Variants in PWWP2A observed in about 807,000 individuals in gnomAD.
PWWP2A encodes PWWP domain containing 2A, also known as PWWP domain-containing protein 2A.
In PWWP2A, 18 loss-of-function variants were observed where a neutral mutation model predicts 48.5. The observed-to-expected ratio is 0.37, with a 90% CI of 0.26 to 0.55. The LOEUF (loss-of-function observed/expected upper bound fraction) is 0.55. Among genes scored for constraint, PWWP2A ranks in the 20% least tolerant of loss-of-function variants. The pLI is 0.81. For missense variants in PWWP2A, 867 were observed against 976.4 expected, an observed-to-expected ratio of 0.89 and a Z score of 1.49; for synonymous variants, 396 against 387.7, an observed-to-expected ratio of 1.02 and a Z score of -0.25.
chr5:160,055,287 C>G, the PWWP2A span, among the ~76,000 whole-genome samples: 1 of 152,194 alleles, frequency 6.6e-6, no homozygotes, highest in Non-Finnish European at 1.5e-5. Flanking sequence ...GATCTGTCAT[C>G]TCAGCTTATT....
intron 1 of PWWP2A, among the ~76,000 whole-genome samples, chr5:160,107,213 C>A (rs1235907833): frequency 5.3e-5 from 8 of 152,124 alleles, no homozygotes; most frequent in African/African-American, 1.2e-4. Context: ...TCAGTTATCT[C>A]CAAATATGGT....
chr5:160,059,917 G>A (rs1366939676), downstream of PWWP2A, among the ~76,000 whole-genome samples: 1 of 152,216 alleles, frequency 6.6e-6, no homozygotes, highest in Non-Finnish European at 1.5e-5. Flanking sequence ...CTCAATGCAG[G>A]ATTACCACAC....
intron 1 of PWWP2A, among the ~76,000 whole-genome samples, chr5:160,115,830 C>A (rs1758074694): frequency 6.6e-6 from 1 of 152,042 alleles, no homozygotes. Context: ...CATAGCGAGA[C>A]CCTGCCTCCT....
chr5:160,046,486 CT>C, the PWWP2A span, among the ~76,000 whole-genome samples: 3 of 151,400 alleles, frequency 2.0e-5, no homozygotes, highest in Non-Finnish European at 4.4e-5. Flanking sequence ...GGACCCTCTT[CT>C]TTTTTTTTCC....
chr5:160,052,568 A>AAAC, the PWWP2A span, among the ~76,000 whole-genome samples: 1 of 151,672 alleles, frequency 6.6e-6, no homozygotes, highest in African/African-American at 2.4e-5. Context: ...AAAAAAAAAA[A>AAAC]AAAAAACTGT....
At chr5:160,053,928 C>T in the PWWP2A span, among the ~76,000 whole-genome samples, 2 of 152,086 alleles carry the variant, frequency 1.3e-5, no homozygotes, top group African/African-American at 4.8e-5. Flanking sequence ...CCTTTCTAGC[C>T]CATCATTTAT....
At chr5:160,056,245 C>T in the PWWP2A span, among the ~76,000 whole-genome samples, 1 of 152,242 alleles carries the variant, frequency 6.6e-6, no homozygotes, top group Non-Finnish European at 1.5e-5. Context: ...CTGCCCTGGC[C>T]ACTCTGGCAC....
chr5:160,059,099 AAG>A (rs1757627935), downstream of PWWP2A, among the ~76,000 whole-genome samples: 1 of 152,206 alleles, frequency 6.6e-6, no homozygotes, highest in Admixed American at 6.5e-5. Context: ...ATCGCCTAAC[AAG>A]AGAGTCAGCC....
At chr5:160,103,938 G>A (rs555731415) in intron 1 of PWWP2A, among the ~76,000 whole-genome samples, 1 of 151,076 alleles carries the variant, frequency 6.6e-6, no homozygotes, top group South Asian at 2.1e-4. Flanking sequence ...CCTGGCCAAC[G>A]TGGTGAAACC....
chr5:160,060,210 C>G (rs550419315), downstream of PWWP2A, among the ~76,000 whole-genome samples: 1 of 152,218 alleles, frequency 6.6e-6, no homozygotes, highest in South Asian at 2.1e-4. Context: ...AATCCATGCC[C>G]GAGTGATCTT....
intron 2 of PWWP2A, among the ~76,000 whole-genome samples, chr5:160,085,920 G>A (rs117158834): frequency 0.019 from 2,904 of 151,894 alleles, 172 homozygotes; most frequent in East Asian, 0.19. Flanking sequence ...CTGGGTTCAC[G>A]GCATTCTACT....
intron 1 of PWWP2A, among the ~76,000 whole-genome samples, chr5:160,099,479 A>G (rs936324949): frequency 2.0e-5 from 3 of 152,146 alleles, no homozygotes; most frequent in African/African-American, 7.2e-5. Context: ...TGAATCTGTA[A>G]TACTATTCAA....
In PWWP2A at chr5:160,065,168, C is replaced by G. The variant is rs930178809; in HGVS notation, c.*236+1380G>C. On this transcript the variant is annotated intron_variant and NMD_transcript_variant, in intron 4 of 5. Coordinates refer to the PWWP2A transcript ENST00000524050. ...TGTTTAACTTTTAAAAGCATCTTAT[C>G]TAAAAGAAAGGCTATCCAGTAGAGC... 5 of 1,496,278 alleles carry G rather than the reference C, an allele frequency of 3.3e-6. No homozygotes were observed. In the Admixed American group the frequency reaches 7.8e-5, roughly 23 times the overall value. 92.7% of individuals were successfully genotyped at this position (1,496,278 alleles called of 1,614,324 possible).
At chr5:160,108,600 T>C (rs1385650660) in intron 1 of PWWP2A, 3 of 1,286,204 alleles carry the variant, frequency 2.3e-6, no homozygotes, top group African/African-American at 1.5e-5. Flanking sequence ...TATTGCACCA[T>C]ACGTTTCATG....
intron 2 of PWWP2A, among the ~76,000 whole-genome samples, chr5:160,085,975 C>T (rs1192931746): frequency 1.3e-5 from 2 of 151,706 alleles, no homozygotes; most frequent in African/African-American, 4.8e-5. Context: ...CCCACCACCA[C>T]GCCCAGCTCA....
intron 1 of PWWP2A, among the ~76,000 whole-genome samples, chr5:160,108,184 C>G (rs1243936951): frequency 2.0e-5 from 3 of 151,758 alleles, no homozygotes; most frequent in Non-Finnish European, 2.9e-5. Flanking sequence ...AGGGCTACCC[C>G]ATAGGCAGAG....
rs573942054 is a variant in PWWP2A at position 160,066,688 on chromosome 5, G to A, written c.*172-76C>T. The A allele has an allele frequency of 3.3e-5, 5 of 152,152 alleles. No individual in the cohort carries two copies. In the East Asian group the frequency reaches 9.6e-4, roughly 29 times the overall value. The allele number at this position is 152,152 out of a possible 1,614,324, so 9.4% of individuals were successfully genotyped here. On this transcript the variant is annotated intron_variant and NMD_transcript_variant, in intron 3 of 5. Coordinates refer to the PWWP2A transcript ENST00000524050. ...ATTTAGTATATTAAAAATTAAGATA[G>A]AAAGTGTTAAAGTAATCCCTTTGAA...
intron 2 of PWWP2A, among the ~76,000 whole-genome samples, chr5:160,083,931 TAA>T (rs1487415538): frequency 6.6e-6 from 1 of 152,236 alleles, no homozygotes; most frequent in Non-Finnish European, 1.5e-5. Context: ...TCGATTCAGT[TAA>T]CCTCTGCAAA....
At position 160,077,998 on chromosome 5, in the gene PWWP2A, G is replaced by A. The variant is rs531715407; in HGVS notation, c.*157C>T. The A allele has an allele frequency of 1.7e-6, 1 of 602,616 alleles. No individual in the cohort carries two copies. Among genetic ancestry groups the A allele is most frequent in the African/African-American group, 1.9e-5 (1 of 53,970 alleles). The allele number at this position is 602,616 out of a possible 1,614,324, so 37.3% of individuals were successfully genotyped here. A position where few individuals can be genotyped will look rare whatever the true frequency, so the allele number is the denominator to read the frequency against. On this transcript the variant is annotated 3_prime_UTR_variant, in exon 4 of 4. Transcript: ENST00000456329. This position sits in a 1 kb window ranked among gnomAD's most constrained non-coding sequence, Gnocchi z 4.2. Reference sequence around the variant, plus strand: ...AATACCTTTTCTTCGGTTTAAGACAGCACAATTTGCAAGTGCCCCTTTATA... The same window carrying A: ...AATACCTTTTCTTCGGTTTAAGACAACACAATTTGCAAGTGCCCCTTTATA...
Sources: gnomAD v4.1 joint callset for allele counts (sites outside exome capture counted in the v4.1 genomes callset) on GRCh38, gnomAD v4.1.1 for gene constraint, Gnocchi (gnomAD v3.1) non-coding constraint, MANE v1.5 for transcripts, NCBI Gene and HGNC (gene_info 2026-07-23, HGNC 2026-07-21) for gene names.